The following IGF1R variants were observed in gnomAD, a reference collection of about 807,000 sequenced individuals.
The protein encoded by IGF1R is insulin-like growth factor 1 receptor.
IGF1R carries 44 observed loss-of-function variants against 144.6 expected under a neutral mutation model. The observed-to-expected ratio is 0.30, with a 90% CI of 0.24 to 0.39. The LOEUF (loss-of-function observed/expected upper bound fraction) is 0.39. IGF1R is among the 10% of genes least tolerant of loss of function. The pLI, the probability that IGF1R is intolerant of heterozygous loss-of-function variation, is 1.00. For missense variants in IGF1R, 1,355 were observed against 1,833.7 expected (o/e 0.74, Z 4.77); for synonymous variants, 795 against 722.8 (o/e 1.10, Z -1.60).
At chr15:98,953,596 G>A (rs571559794) in intron 20 of IGF1R, among the ~76,000 whole-genome samples, 55 of 152,278 alleles carry the variant, frequency 3.6e-4, no homozygotes, top group Non-Finnish European at 7.1e-4. Flanking sequence ...CCAGGGCAGA[G>A]GTGTGAACGC....
In IGF1R at chr15:98,957,710, C is replaced by T. The variant is rs926670882; in HGVS notation, c.*268C>T. 5.5e-6 allele frequency: 3 copies of T among 546,916 alleles called. No homozygotes were observed. Among genetic ancestry groups the T allele is most frequent in the African/African-American group, 3.8e-5 (2 of 53,108 alleles). 33.9% of individuals were successfully genotyped at this position (546,916 alleles called of 1,614,324 possible). A position where few individuals can be genotyped will look rare whatever the true frequency, so the allele number is the denominator to read the frequency against. On this transcript the variant is annotated 3_prime_UTR_variant, in exon 21 of 21. Coordinates refer to ENST00000650285, the MANE Select transcript of IGF1R (RefSeq NM_000875.5). ...GAACCTTAATGACAACACTTAATAG[C>T]AACAGAGCACTTGAGAACCAGTCTC...
intron 19 of IGF1R, among the ~76,000 whole-genome samples, chr15:98,944,317 A>T (rs1483327233): frequency 3.3e-5 from 5 of 152,234 alleles, no homozygotes; most frequent in Admixed American, 3.3e-4. Context: ...CAACAAAGGG[A>T]CCTAGAGTGT....
At chr15:98,850,925 A>G (rs2011503872) in intron 2 of IGF1R, among the ~76,000 whole-genome samples, 1 of 152,190 alleles carries the variant, frequency 6.6e-6, no homozygotes, top group African/African-American at 2.4e-5. Context: ...AAATTAGAAT[A>G]TAACACCTTG....
At chr15:98,794,500 G>A (rs998501147) in intron 2 of IGF1R, among the ~76,000 whole-genome samples, 1 of 152,180 alleles carries the variant, frequency 6.6e-6, no homozygotes, top group African/African-American at 2.4e-5. Flanking sequence ...ACAGCATCAT[G>A]ATTCTCCAGG....
intron 2 of IGF1R, among the ~76,000 whole-genome samples, chr15:98,772,456 C>T (rs2055608452): frequency 7.0e-6 from 1 of 143,608 alleles, no homozygotes; most frequent in Non-Finnish European, 1.5e-5. Context: ...AGGAAGACTT[C>T]ATTCAAGAGG....
intron 2 of IGF1R, among the ~76,000 whole-genome samples, chr15:98,819,184 T>C (rs1467483584): frequency 2.0e-5 from 3 of 152,076 alleles, no homozygotes; most frequent in African/African-American, 7.2e-5. Context: ...AGGCCAGGAA[T>C]GGAGAGAAAC....
intron 2 of IGF1R, among the ~76,000 whole-genome samples, chr15:98,840,021 C>T (rs763168091): frequency 2.0e-5 from 3 of 152,216 alleles, no homozygotes; most frequent in Non-Finnish European, 4.4e-5. Flanking sequence ...GTCTTCTGAA[C>T]ACGCAGTTGT....
intron 1 of IGF1R, among the ~76,000 whole-genome samples, chr15:98,690,870 A>G (rs778868318): frequency 3.3e-5 from 5 of 152,248 alleles, no homozygotes; most frequent in Non-Finnish European, 7.3e-5. Flanking sequence ...AGCAAGCCAC[A>G]GAGCAGTAAG....
intron 2 of IGF1R, among the ~76,000 whole-genome samples, chr15:98,801,262 C>T (rs778628921): frequency 6.6e-6 from 1 of 152,178 alleles, no homozygotes; most frequent in Non-Finnish European, 1.5e-5. Context: ...CTGCCCTGCT[C>T]CCCGTGAGCG....
chr15:98,915,967 C>A lies in IGF1R; in HGVS notation c.1832C>A (p.Pro611His). 1.9e-6 allele frequency: 3 copies of A among 1,613,940 alleles called. No individual in the cohort carries two copies. Among genetic ancestry groups the A allele is most frequent in the Non-Finnish European group, 2.5e-6 (3 of 1,179,806 alleles). ...TGTTCTTTGTTCCCCTCTCCAGTTC[C>A]TTCCATTCCCTTGGACGTTCTTTCA... ...ILYIRTNASV[P>H]SIPLDVLSAS... The change falls in exon 9 of 21, where the codon CCT becomes CAT. Residue 611 changes from proline to histidine, a missense_variant. By Grantham distance (77) the Pro-to-His change is moderately conservative. This residue lies in a region of IGF1R where 880 missense variants were observed against 1,202.7 expected (regional missense o/e 0.73). Transcript: ENST00000650285.
At chr15:98,927,269 A>G (rs2015758995) in intron 13 of IGF1R, among the ~76,000 whole-genome samples, 1 of 152,186 alleles carries the variant, frequency 6.6e-6, no homozygotes, top group Admixed American at 6.5e-5. Context: ...GTCCTGCTAC[A>G]GTTTAGTCTC....
chr15:98,747,018 GATTA>G (rs1470626617), intron 2 of IGF1R, among the ~76,000 whole-genome samples: 3 of 152,130 alleles, frequency 2.0e-5, no homozygotes, highest in Non-Finnish European at 4.4e-5. Flanking sequence ...GGATCGCTGT[GATTA>G]ATTGTTTCAA....
intron 2 of IGF1R, among the ~76,000 whole-genome samples, chr15:98,871,686 C>T (rs930659164): frequency 6.6e-6 from 1 of 152,194 alleles, no homozygotes; most frequent in Non-Finnish European, 1.5e-5. Context: ...AGAGCTTGTG[C>T]AGGGAAACTT....
chr15:98,748,116 A>G (rs1278443900), intron 2 of IGF1R, among the ~76,000 whole-genome samples: 2 of 152,188 alleles, frequency 1.3e-5, no homozygotes, highest in African/African-American at 2.4e-5. Flanking sequence ...TCATGTGACA[A>G]ATATAATGCT....
intron 2 of IGF1R, among the ~76,000 whole-genome samples, chr15:98,864,086 C>T (rs1056558875): frequency 2.6e-5 from 4 of 151,516 alleles, no homozygotes; most frequent in Non-Finnish European, 5.9e-5. Flanking sequence ...AGGGAAACCA[C>T]ATCACTACAA....
chr15:98,889,381 G>A (rs1051088524), intron 2 of IGF1R, among the ~76,000 whole-genome samples: 11 of 152,146 alleles, frequency 7.2e-5, no homozygotes, highest in African/African-American at 1.9e-4. Context: ...TGTGTAAACC[G>A]GTACAAACTT....
In IGF1R at chr15:98,934,919, G is replaced by A. The variant is rs2151707917; in HGVS notation, c.3052G>A (p.Ala1018Thr). The A allele has an allele frequency of 6.2e-7, 1 of 1,614,170 alleles. No individual in the cohort carries two copies. Among genetic ancestry groups the A allele is most frequent in the Non-Finnish European group, 8.5e-7 (1 of 1,180,020 alleles). Residue 1018 changes from alanine to threonine, a missense_variant, in exon 16 of 21, where the codon GCC (alanine) becomes ACC (threonine). By Grantham distance (58) the Ala-to-Thr change is moderately conservative. Around this residue, in one of 7 missense-constraint regions of IGF1R, gnomAD observed 880 missense variants for 1,202.7 expected, o/e 0.73. Transcript: ENST00000650285. ...GSFGMVYEGV[A>T]KGVVKDEPET... ...GTTTGGGATGGTCTATGAAGGAGTT[G>A]CCAAGGGTGTGGTGAAAGATGAACC...
In IGF1R at chr15:98,961,745, G is replaced by C; in HGVS notation, c.*4303G>C. ...TGGAGACACTGTTGAACTTGATCAA[G>C]ACCCAGACCACCCCAGGTCTCCTTC... On this transcript the variant is annotated 3_prime_UTR_variant, in exon 21 of 21. Transcript: ENST00000650285. 1 of 233,584 alleles carries C rather than the reference G, an allele frequency of 4.3e-6. No individual in the cohort carries two copies. The highest frequency in any genetic ancestry group is 6.0e-5 in the East Asian group (1 of 16,590). The allele number at this position is 233,584 out of a possible 1,614,324, so 14.5% of individuals were successfully genotyped here.
intron 2 of IGF1R, chr15:98,734,758 C>T (rs1216935305): frequency 6.6e-6 from 1 of 152,170 alleles, no homozygotes; most frequent in Non-Finnish European, 1.5e-5. Context: ...CATGTGGTGA[C>T]TTCCTATTTA....
Sources: allele counts gnomAD v4.1 joint callset (sites outside exome capture counted in the v4.1 genomes callset), GRCh38; gene constraint gnomAD v4.1.1; regional missense constraint gnomAD v4.1.1; transcripts MANE v1.5; gene names NCBI Gene and HGNC (gene_info 2026-07-23, HGNC 2026-07-21).